The following RGS3 variants were observed in gnomAD, a reference collection of about 807,000 sequenced individuals.
RGS3 encodes the protein regulator of G-protein signalling 3.
Under a neutral mutation model 132.6 loss-of-function variants are expected in RGS3, and 80 were observed. The observed-to-expected ratio is 0.60, with a 90% CI of 0.50 to 0.73. The LOEUF (loss-of-function observed/expected upper bound fraction) is 0.73, where lower values mean the gene tolerates loss of function less well. Among genes scored for constraint, RGS3 ranks in the 30% least tolerant of loss-of-function variants. The pLI is 0.00. For missense variants in RGS3, 1,382 were observed against 1,530.8 expected, an observed-to-expected ratio of 0.90 and a Z score of 1.62; for synonymous variants, 598 against 620.6, an observed-to-expected ratio of 0.96 and a Z score of 0.54.
chr9:113,491,007 A>G (rs1241069376), intron 7 of RGS3, among the ~76,000 whole-genome samples: 2 of 134,168 alleles, frequency 1.5e-5, no homozygotes, highest in Non-Finnish European at 3.0e-5. Context: ...ATATAATTAT[A>G]TGTAACGTAA....
At chr9:113,494,997 C>T (rs933674141) in intron 7 of RGS3, among the ~76,000 whole-genome samples, 2 of 152,144 alleles carry the variant, frequency 1.3e-5, no homozygotes, top group African/African-American at 2.4e-5. Context: ...GCCTCAGCCT[C>T]CTGAGTAGCT....
chr9:113,514,870 C>T (rs540311970), intron 15 of RGS3, among the ~76,000 whole-genome samples: 1 of 152,216 alleles, frequency 6.6e-6, no homozygotes, highest in South Asian at 2.1e-4. Flanking sequence ...CGGGATAGCC[C>T]AGTAAGGAAA....
At chr9:113,516,073 G>T (rs147579255) in intron 15 of RGS3, among the ~76,000 whole-genome samples, 161 of 152,338 alleles carry the variant, frequency 1.1e-3, no homozygotes, top group African/African-American at 3.5e-3. Context: ...TGCTTTGCAG[G>T]AAGATTCTAA....
chr9:113,585,745 A>G (rs1273988016), intron 20 of RGS3, among the ~76,000 whole-genome samples: 1 of 152,246 alleles, frequency 6.6e-6, no homozygotes, highest in Non-Finnish European at 1.5e-5. Context: ...GACATCATTA[A>G]TGGATTCCAG....
At chr9:113,503,757 G>A (rs1238353587) in intron 10 of RGS3, among the ~76,000 whole-genome samples, 2 of 152,196 alleles carry the variant, frequency 1.3e-5, no homozygotes, top group South Asian at 2.1e-4. Context: ...TGGGTTGAGG[G>A]TTGGCTTGTG....
In RGS3 at chr9:113,537,793, G is replaced by A. The variant is rs1175149047; in HGVS notation, c.2037+875G>A. On this transcript the variant is annotated intron_variant, in intron 19 of 24. Transcript: ENST00000350696. The surrounding 1 kb of genome is among the most constrained non-coding windows in gnomAD (Gnocchi z 4.3). The stretch of plus-strand genomic sequence containing the variant: ...CCTATGCCATGGGCAGCAGGCCTAT[G>A]CAGGGGGCAGTTGGGGGGCAGGCCT... Among the ~76,000 whole-genome samples the A allele has an allele frequency of 6.6e-6, 1 of 152,188 alleles. No individual in the cohort carries two copies. The highest frequency in any genetic ancestry group is 1.5e-5 in the Non-Finnish European group (1 of 68,016).
At chr9:113,575,508 G>T (rs2118915985) in intron 19 of RGS3, among the ~76,000 whole-genome samples, 1 of 152,254 alleles carries the variant, frequency 6.6e-6, no homozygotes, top group Non-Finnish European at 1.5e-5. Context: ...CAGGGAACTT[G>T]CCACCTCCCC....
chr9:113,594,106 C>T (rs1191503188), intron 21 of RGS3: 1 of 1,613,074 alleles, frequency 6.2e-7, no homozygotes, highest in Admixed American at 1.7e-5. Flanking sequence ...TGAGTCCCAG[C>T]CCCGGCTTGT....
chr9:113,466,145 A>G (rs1829635403), intron 3 of RGS3, among the ~76,000 whole-genome samples: 1 of 152,266 alleles, frequency 6.6e-6, no homozygotes, highest in Non-Finnish European at 1.5e-5. Flanking sequence ...TAGAGCGTTC[A>G]GACTGTCATC....
At chr9:113,547,860 T>C (rs1415242694) in intron 19 of RGS3, among the ~76,000 whole-genome samples, 1 of 152,162 alleles carries the variant, frequency 6.6e-6, no homozygotes. Flanking sequence ...TTGTCCTAAG[T>C]GTTAGTGTGT....
intron 21 of RGS3, chr9:113,593,901 C>T: frequency 6.3e-7 from 1 of 1,586,604 alleles, no homozygotes; most frequent in Non-Finnish European, 8.6e-7. Context: ...CCACCCCCCA[C>T]CACTGTCTCC....
intron 7 of RGS3, among the ~76,000 whole-genome samples, chr9:113,488,808 C>T (rs1444117258): frequency 1.3e-5 from 2 of 152,234 alleles, no homozygotes; most frequent in Non-Finnish European, 2.9e-5. Context: ...AGCACGCAGG[C>T]CGGCCTGGCC....
At chr9:113,522,284 T>C (rs1382709147) in intron 16 of RGS3, 1 of 152,266 alleles carries the variant, frequency 6.6e-6, no homozygotes, top group Non-Finnish European at 1.5e-5. Context: ...TTTGATAATA[T>C]TAGCTCACAT....
rs142357482 is a variant in RGS3, at chr9:113,575,855, G to A, written c.2038-7595G>A. Among the ~76,000 whole-genome samples, 298 of 152,278 alleles carry A rather than the reference G, an allele frequency of 2.0e-3. 2 individuals carry two copies. Among genetic ancestry groups the A allele is most frequent in the African/African-American group, 6.1e-3 (255 of 41,554 alleles). The stretch of plus-strand genomic sequence containing the variant: ...AGGTGATTCTAAAGTGTACTTCTCC[G>A]TTAAGAACCAATAGTCTAGGTCGGT... On this transcript the variant is annotated intron_variant, in intron 19 of 24. Coordinates refer to ENST00000350696, the Ensembl canonical transcript of RGS3.
intron 15 of RGS3, 175 bp from the exon 14 acceptor site, chr9:113,517,364 TTC>T (rs1392459146): frequency 1.4e-6 from 1 of 694,672 alleles, no homozygotes; most frequent in East Asian, 2.7e-5. Flanking sequence ...GCGTCTCTCT[TTC>T]TGTTTCCATC....
intron 19 of RGS3, among the ~76,000 whole-genome samples, chr9:113,555,294 C>T (rs1430609480): frequency 1.3e-5 from 2 of 152,090 alleles, no homozygotes; most frequent in African/African-American, 4.8e-5. Flanking sequence ...AGTGGCTTTA[C>T]CCTTACCTTT....
intron 1 of RGS3, among the ~76,000 whole-genome samples, chr9:113,452,954 G>T (rs868390696): frequency 8.6e-4 from 94 of 109,652 alleles, no homozygotes; most frequent in Middle Eastern, 0.015. Context: ...ATTTATATAT[G>T]ATATATAAAT....
At chr9:113,497,986 C>T in intron 9 of RGS3, 39 bp from the exon 8 acceptor site, 1 of 1,608,228 alleles carries the variant, frequency 6.2e-7, no homozygotes, top group Non-Finnish European at 8.5e-7. Context: ...GACTTCTCTG[C>T]CACCAGAAGT....
At chr9:113,453,243 C>T (rs763156613) in intron 1 of RGS3, among the ~76,000 whole-genome samples, 5 of 71,628 alleles carry the variant, frequency 7.0e-5, no homozygotes, top group African/African-American at 2.5e-4. Context: ...TATATGATTA[C>T]ATAATATACT....
Sources: allele counts gnomAD v4.1 joint callset (sites outside exome capture counted in the v4.1 genomes callset), GRCh38; gene constraint gnomAD v4.1.1; non-coding constraint Gnocchi (gnomAD v3.1); transcripts MANE v1.5; gene names NCBI Gene and HGNC (gene_info 2026-07-23, HGNC 2026-07-21).